Variants in HDAC9 observed in about 807,000 individuals in gnomAD.
The protein encoded by HDAC9 is MEF-2 interacting transcription repressor (MITR) protein.
Under a neutral mutation model 139.4 loss-of-function variants are expected in HDAC9, and 41 were observed. The observed-to-expected ratio is 0.29, with a 90% CI of 0.23 to 0.38. HDAC9 has a LOEUF of 0.38. HDAC9 is among the 10% of genes least tolerant of loss of function. The probability of loss-of-function intolerance (pLI) is 1.00; values close to 1 mark genes in which losing one functional copy is unlikely to be tolerated. For synonymous variants in HDAC9, 517 were observed against 476.2 expected (o/e 1.09, Z -1.12); for missense variants, 1,147 against 1,297.0 (o/e 0.88, Z 1.78).
chr7:18,386,682 A>G (rs1367888990), intron 1 of HDAC9, among the ~76,000 whole-genome samples: 2 of 152,198 alleles, frequency 1.3e-5, no homozygotes, highest in Admixed American at 6.5e-5. Flanking sequence ...TAATCAAAGC[A>G]ACTCATCACG....
intron 1 of HDAC9, among the ~76,000 whole-genome samples, chr7:18,472,978 C>T (rs990958637): frequency 6.6e-6 from 1 of 152,144 alleles, no homozygotes; most frequent in Non-Finnish European, 1.5e-5. Context: ...CTTTGATATA[C>T]AACAATCCAT....
chr7:18,806,736 T>A (rs2129186847), intron 17 of HDAC9, among the ~76,000 whole-genome samples: 1 of 152,322 alleles, frequency 6.6e-6, no homozygotes, highest in South Asian at 2.1e-4. Context: ...ATTGAGAGGA[T>A]CATATGATTT....
intron 2 of HDAC9, among the ~76,000 whole-genome samples, chr7:18,168,537 A>C (rs2128131565): frequency 6.6e-6 from 1 of 151,864 alleles, no homozygotes; most frequent in Non-Finnish European, 1.5e-5. Flanking sequence ...ATTGGAGTTT[A>C]CTCTTCAGAG....
chr7:18,317,899 C>T (rs1227064325), intron 1 of HDAC9, among the ~76,000 whole-genome samples: 1 of 152,140 alleles, frequency 6.6e-6, no homozygotes, highest in Non-Finnish European at 1.5e-5. Flanking sequence ...AATTTTATTG[C>T]TCTGTCTTGC....
intron 1 of HDAC9, among the ~76,000 whole-genome samples, chr7:18,467,158 C>A (rs959286871): frequency 6.6e-6 from 1 of 152,148 alleles, no homozygotes; most frequent in Non-Finnish European, 1.5e-5. Context: ...CGTCTTCTTC[C>A]CTACTCACAC....
intron 6 of HDAC9, among the ~76,000 whole-genome samples, chr7:18,599,188 C>G (rs1554772): frequency 0.093 from 14,085 of 152,200 alleles, 984 homozygotes; most frequent in East Asian, 0.32. Context: ...AAAAATTGAG[C>G]AGATATTGTT....
At chr7:18,351,058 C>G (rs796215644) in intron 1 of HDAC9, among the ~76,000 whole-genome samples, 1 of 152,176 alleles carries the variant, frequency 6.6e-6, no homozygotes, top group Non-Finnish European at 1.5e-5. Flanking sequence ...AAAGTCTCCT[C>G]TTAACTCCTT....
Position 18,732,694 on chromosome 7 carries a change from C to G in HDAC9, c.1909+4937C>G, listed in dbSNP as rs1786246131. Among the ~76,000 whole-genome samples, 3 of 135,928 alleles carry G rather than the reference C, an allele frequency of 2.2e-5. 1 individual carries two copies. The highest frequency in any genetic ancestry group is 6.0e-5 in the African/African-American group (2 of 33,568). 89.2% of individuals were successfully genotyped at this position (135,928 alleles called of 152,430 possible). A position where few individuals can be genotyped will look rare whatever the true frequency, so the allele number is the denominator to read the frequency against. ...ATATGTGTGCGTATGTGTACACACACACACGTGTATGTGTGCGTATGTGTA... is the reference window on the plus strand; with the variant it reads ...ATATGTGTGCGTATGTGTACACACAGACACGTGTATGTGTGCGTATGTGTA... On this transcript the variant is annotated intron_variant, in intron 13 of 25. Transcript: ENST00000686413.
In HDAC9 at chr7:18,714,147, G is replaced by A. The variant is rs558684529; in HGVS notation, c.1732-13433G>A. Among the ~76,000 whole-genome samples the A allele has an allele frequency of 4.5e-4, 68 of 152,324 alleles. 2 individuals carry two copies. In the South Asian group the frequency reaches 0.013, roughly 30 times the overall value. ...TTTTCCTAATTTGCATCTTTGTAAAGTGGTAGAGCTGGAGTACAAACCAAG... is the reference window on the plus strand; with the variant it reads ...TTTTCCTAATTTGCATCTTTGTAAAATGGTAGAGCTGGAGTACAAACCAAG... On this transcript the variant is annotated intron_variant, in intron 12 of 25. Transcript: ENST00000686413.
intron 2 of HDAC9, among the ~76,000 whole-genome samples, chr7:18,242,702 C>T (rs189702072): frequency 6.6e-6 from 1 of 152,076 alleles, no homozygotes; most frequent in Admixed American, 6.5e-5. Flanking sequence ...TTATGTTTTC[C>T]CTTTTCTGCC....
intron 1 of HDAC9, among the ~76,000 whole-genome samples, chr7:18,446,373 G>C (rs1792294138): frequency 6.7e-6 from 1 of 148,540 alleles, no homozygotes; most frequent in South Asian, 2.1e-4. Flanking sequence ...GCCTAGTCGG[G>C]GGGTGGGTTT....
intron 17 of HDAC9, among the ~76,000 whole-genome samples, chr7:18,808,778 GA>G (rs1310155246): frequency 6.6e-6 from 1 of 150,722 alleles, no homozygotes; most frequent in East Asian, 2.0e-4. Flanking sequence ...CACAGAAAGA[GA>G]AAAAAAATCC....
chr7:18,431,763 G>A (rs1382006876), intron 1 of HDAC9, among the ~76,000 whole-genome samples: 1 of 152,144 alleles, frequency 6.6e-6, no homozygotes, highest in Non-Finnish European at 1.5e-5. Context: ...ATACGATTGT[G>A]GGTATGACTG....
intron 9 of HDAC9, among the ~76,000 whole-genome samples, chr7:18,646,884 A>G (rs2129026883): frequency 6.6e-6 from 1 of 152,202 alleles, no homozygotes; most frequent in African/African-American, 2.4e-5. Context: ...TTTGTAGTTT[A>G]TTATACAAAA....
rs531595331 is a variant in HDAC9 at position 18,190,874 on chromosome 7, A to G, written c.25+28525A>G. Among the ~76,000 whole-genome samples the G allele has an allele frequency of 2.6e-5, 4 of 152,318 alleles. No individual in the cohort carries two copies. The South Asian group carries it at 6.2e-4, about 24-fold the overall frequency. On this transcript the variant is annotated intron_variant, in intron 2 of 12. Coordinates refer to the HDAC9 transcript ENST00000417496. ...AATATTATGCATGTTTTACCTTTGT[A>G]AACTCCTACCTTTGTAAAACATGCG... is the stretch of plus-strand genomic sequence containing the variant.
At chr7:18,148,340 G>A (rs1252725908) in intron 1 of HDAC9, among the ~76,000 whole-genome samples, 2 of 152,114 alleles carry the variant, frequency 1.3e-5, no homozygotes, top group Non-Finnish European at 2.9e-5. Context: ...CTTGGATCAT[G>A]GTCTCTCTCC....
At chr7:18,543,673 A>C (rs1359205639) in intron 2 of HDAC9, 1 of 152,200 alleles carries the variant, frequency 6.6e-6, no homozygotes, top group Non-Finnish European at 1.5e-5. Context: ...GTGAACAAAA[A>C]GGTAAAATTT....
At chr7:18,383,523 GA>G (rs1785627912) in intron 1 of HDAC9, among the ~76,000 whole-genome samples, 1 of 151,806 alleles carries the variant, frequency 6.6e-6, no homozygotes, top group Non-Finnish European at 1.5e-5. Context: ...GCTCTTTGGA[GA>G]AAAAAATAGT....
intron 21 of HDAC9, among the ~76,000 whole-genome samples, chr7:18,839,808 C>G (rs868784766): frequency 6.6e-5 from 10 of 152,024 alleles, no homozygotes; most frequent in African/African-American, 1.9e-4. Flanking sequence ...ATACTCTCTA[C>G]AGTCCATTGA....
Sources: gnomAD v4.1 joint callset for allele counts (sites outside exome capture counted in the v4.1 genomes callset) on GRCh38, gnomAD v4.1.1 for gene constraint, MANE v1.5 for transcripts, NCBI Gene and HGNC (gene_info 2026-07-23, HGNC 2026-07-21) for gene names.